Variants in ABHD6 observed in about 807,000 individuals in gnomAD.
ABHD6 encodes abhydrolase domain containing 6, acylglycerol lipase.
A neutral mutation model predicts 38.8 loss-of-function variants in ABHD6; 33 were observed. The ratio of observed to expected loss-of-function variants is 0.85; its 90% CI spans 0.64 to 1.14. The LOEUF is 1.14. Among genes scored for constraint, ABHD6 ranks in the 50% most tolerant of loss-of-function variants. The pLI, the probability that ABHD6 is intolerant of heterozygous loss-of-function variation, is 0.00. For synonymous variants in ABHD6, 147 were observed against 161.6 expected, an observed-to-expected ratio of 0.91 and a Z score of 0.69; for missense variants, 380 against 422.6, an observed-to-expected ratio of 0.90 and a Z score of 0.88.
At chr3:58,239,849 C>T (rs2097421576) in intron 1 of ABHD6, among the ~76,000 whole-genome samples, 1 of 151,682 alleles carries the variant, frequency 6.6e-6, no homozygotes, top group Admixed American at 6.6e-5. Context: ...GGAAGAAAGG[C>T]AAGCATGAAT....
At chr3:58,278,467 T>C (rs1480476085) in intron 7 of ABHD6, among the ~76,000 whole-genome samples, 1 of 152,200 alleles carries the variant, frequency 6.6e-6, no homozygotes. Context: ...CATTTTTTAT[T>C]GTGTCTATTT....
At position 58,266,421 on chromosome 3, in the gene ABHD6, G is replaced by A. The variant is rs1207746864; in HGVS notation, c.120-768G>A. 1.4e-5 allele frequency among the ~76,000 whole-genome samples: 2 copies of A among 147,518 alleles called. No homozygotes were observed. The highest frequency in any genetic ancestry group is 5.0e-5 in the African/African-American group (2 of 39,816). On this transcript the variant is annotated intron_variant, in intron 3 of 9. Transcript: ENST00000478253. This position sits in a 1 kb window ranked among gnomAD's most constrained non-coding sequence, Gnocchi z 4.0. ...ATTGCCCCAGCGTGGGTGACAGAGC[G>A]AGACTGTATCTAAAAAAAAAAAAAA...
intron 6 of ABHD6, among the ~76,000 whole-genome samples, chr3:58,271,757 C>A (rs1235630436): frequency 7.3e-6 from 1 of 136,198 alleles, no homozygotes; most frequent in Non-Finnish European, 1.5e-5. Context: ...TCTATCTCCC[C>A]CTCTCTCTGT....
In ABHD6 at chr3:58,285,382, A is replaced by G; in HGVS notation, c.766A>G (p.Arg256Gly). The change falls in exon 9 of 10, where the codon AGA becomes GGA. Residue 256 changes from arginine to glycine, a missense_variant. Arg to Gly is a moderately radical substitution (Grantham distance 125, BLOSUM62 -2). Coordinates refer to ENST00000478253, the MANE Select transcript of ABHD6 (RefSeq NM_001320126.2). This position sits in a 1 kb window ranked among gnomAD's most constrained non-coding sequence, Gnocchi z 4.9. The part of the protein sequence containing the change: ...LFLEIVSEKS[R>G]YSLHQNMDKI... The stretch of plus-strand genomic sequence containing the variant: ...TTTGGAAATCGTCAGTGAGAAGTCC[A>G]GATACTCTCTCCATCAGAACATGGA... 3 of 1,614,184 alleles carry G rather than the reference A, an allele frequency of 1.9e-6. No homozygotes were observed. Among genetic ancestry groups the G allele is most frequent in the Non-Finnish European group, 2.5e-6 (3 of 1,180,012 alleles).
At chr3:58,284,964 T>C in intron 7 of ABHD6, 121 bp from the exon 8 acceptor site, 1 of 875,764 alleles carries the variant, frequency 1.1e-6, no homozygotes, top group South Asian at 1.4e-5. Flanking sequence ...GACCAGGCTC[T>C]AAAGACCTTG....
intron 7 of ABHD6, among the ~76,000 whole-genome samples, chr3:58,280,169 T>C (rs897547192): frequency 1.3e-5 from 2 of 152,230 alleles, no homozygotes; most frequent in Non-Finnish European, 2.9e-5. Context: ...TCCTGGATAA[T>C]ATCCTGAAGA....
intron 3 of ABHD6, among the ~76,000 whole-genome samples, chr3:58,258,245 T>G (rs2097434661): frequency 6.6e-6 from 1 of 152,018 alleles, no homozygotes; most frequent in African/African-American, 2.4e-5. Context: ...AGGTGGAGGT[T>G]GCGGTGAGCT....
intron 1 of ABHD6, among the ~76,000 whole-genome samples, chr3:58,248,386 C>T (rs2097427834): frequency 6.6e-6 from 1 of 152,078 alleles, no homozygotes; most frequent in African/African-American, 2.4e-5. Flanking sequence ...CAGGCATAAA[C>T]ATAGATAAAT....
At chr3:58,271,764 C>CTTTTTTTTTTTTTTT (rs1302501356) in intron 6 of ABHD6, among the ~76,000 whole-genome samples, 1 of 78,112 alleles carries the variant, frequency 1.3e-5, no homozygotes, top group African/African-American at 4.7e-5. Context: ...CCCCCTCTCT[C>CTTTTTTTTTTTTTTT]TGTTTTTTTT....
chr3:58,284,937 A>T, intron 7 of ABHD6, 148 bp from the exon 8 acceptor site: 1 of 681,470 alleles, frequency 1.5e-6, no homozygotes, highest in East Asian at 2.6e-5. Context: ...TGTGTGCTGC[A>T]TCATGGGAAT....
At chr3:58,264,578 C>T (rs2097439603) in intron 3 of ABHD6, among the ~76,000 whole-genome samples, 2 of 152,040 alleles carry the variant, frequency 1.3e-5, no homozygotes, top group Non-Finnish European at 2.9e-5. Context: ...GTAATTTCAG[C>T]TATTCAGGAG....
At chr3:58,244,003 G>A (rs747146524) in intron 1 of ABHD6, among the ~76,000 whole-genome samples, 11 of 152,278 alleles carry the variant, frequency 7.2e-5, no homozygotes, top group Non-Finnish European at 1.2e-4. Flanking sequence ...TAATGGACTT[G>A]CCATGTGCAA....
chr3:58,290,463 CG>C (rs1319358590), intron 9 of ABHD6, among the ~76,000 whole-genome samples: 12 of 105,304 alleles, frequency 1.1e-4, no homozygotes, highest in Non-Finnish European at 1.9e-4. Flanking sequence ...GCTGGCCGGG[CG>C]GGGGGCTGAC....
intron 2 of ABHD6, among the ~76,000 whole-genome samples, chr3:58,254,975 C>T (rs1410065875): frequency 6.6e-6 from 1 of 152,046 alleles, no homozygotes; most frequent in African/African-American, 2.4e-5. Flanking sequence ...ACCTCTGCCT[C>T]CCAAAGTGTT....
chr3:58,254,780 TA>T (rs1405205174), intron 2 of ABHD6, among the ~76,000 whole-genome samples: 2 of 150,596 alleles, frequency 1.3e-5, no homozygotes, highest in South Asian at 4.2e-4. Flanking sequence ...GGACTTGAAA[TA>T]TATATTTATT....
At chr3:58,248,964 T>G (rs765711705) in intron 1 of ABHD6, among the ~76,000 whole-genome samples, 7 of 152,352 alleles carry the variant, frequency 4.6e-5, no homozygotes, top group East Asian at 1.9e-4. Context: ...GAGCATCTTT[T>G]TATATGTTTA....
At position 58,293,834 on chromosome 3, in the gene ABHD6, A is replaced by C; in HGVS notation, c.*69A>C. ...ATCCCCCAAGTCTGACGCAGCCACC[A>C]CTCTCAGGGATCCTGCCCCAAATGC... On this transcript the variant is annotated 3_prime_UTR_variant, in exon 10 of 10. Transcript: ENST00000478253. This position sits in a 1 kb window ranked among gnomAD's most constrained non-coding sequence, Gnocchi z 4.4. The C allele has an allele frequency of 6.5e-7, 1 of 1,541,430 alleles. No individual in the cohort carries two copies. Among genetic ancestry groups the C allele is most frequent in the Non-Finnish European group, 8.8e-7 (1 of 1,136,638 alleles).
At chr3:58,276,183 A>G (rs1301091031) in intron 7 of ABHD6, among the ~76,000 whole-genome samples, 2 of 152,174 alleles carry the variant, frequency 1.3e-5, no homozygotes, top group Non-Finnish European at 2.9e-5. Context: ...TCCTTGAGGA[A>G]TCGCCACACT....
chr3:58,290,652 C>A (rs1392689400), intron 9 of ABHD6, among the ~76,000 whole-genome samples: 2 of 137,506 alleles, frequency 1.5e-5, no homozygotes, highest in Admixed American at 7.3e-5. Flanking sequence ...GGGTCTCCTC[C>A]CTTCTCAGAT....
Sources: gnomAD v4.1 joint callset for allele counts (sites outside exome capture counted in the v4.1 genomes callset) on GRCh38, gnomAD v4.1.1 for gene constraint, Gnocchi (gnomAD v3.1) non-coding constraint, MANE v1.5 for transcripts, NCBI Gene and HGNC (gene_info 2026-07-23, HGNC 2026-07-21) for gene names.